The following SORBS2 variants were observed in gnomAD, a reference collection of about 807,000 sequenced individuals.
SORBS2 encodes sorbin and SH3 domain-containing protein 2.
In SORBS2, 46 loss-of-function variants were observed where a neutral mutation model predicts 97.7. That is an observed-to-expected ratio of 0.47 (90% CI 0.37 to 0.60). The LOEUF is 0.60. Among genes scored for constraint, SORBS2 ranks in the 20% least tolerant of loss-of-function variants. SORBS2 has a pLI of 0.00. For missense variants in SORBS2, 1,316 were observed against 1,282.3 expected (o/e 1.03, Z -0.40); for synonymous variants, 476 against 473.4 (o/e 1.01, Z -0.07).
intron 1 of SORBS2, among the ~76,000 whole-genome samples, chr4:185,820,484 G>C (rs909662066): frequency 2.0e-5 from 3 of 152,212 alleles, no homozygotes; most frequent in African/African-American, 7.2e-5. Flanking sequence ...ATGCCAAGGG[G>C]CTGCCAGGGC....
intron 2 of SORBS2, chr4:185,771,296 T>G (rs1242669165): frequency 1.3e-5 from 2 of 152,234 alleles, no homozygotes; most frequent in Non-Finnish European, 2.9e-5. Flanking sequence ...AAGCCTATCC[T>G]TCCCCTTTTT....
rs755600711 is a variant in SORBS2, at chr4:185,607,980, C to T, written c.2796+3800G>A. Among the ~76,000 whole-genome samples the T allele has an allele frequency of 6.0e-4, 92 of 152,112 alleles. 1 individual carries two copies. The highest frequency in any genetic ancestry group is 6.5e-4 in the Non-Finnish European group (44 of 68,030). ...TGCTGGGGTTACAGGTGTGAGCCACCGCGCCTGGCCCTTAAGAGATTTAAT... is the reference window on the plus strand; with the variant it reads ...TGCTGGGGTTACAGGTGTGAGCCACTGCGCCTGGCCCTTAAGAGATTTAAT... On this transcript the variant is annotated intron_variant, in intron 12 of 14. Coordinates refer to ENST00000418609, the Ensembl canonical transcript of SORBS2. This position sits in a 1 kb window ranked among gnomAD's most constrained non-coding sequence, Gnocchi z 5.2.
rs558849632 is a variant in SORBS2 at position 185,890,412 on chromosome 4, A to C, written c.-338+65784T>G. ...GATGTTATCTCCTCTTATCCTGACA[A>C]GAAGACTGTGTGGCAGGCTCAGTAC... On this transcript the variant is annotated intron_variant, in intron 1 of 20. Coordinates refer to the SORBS2 transcript ENST00000284776. Among the ~76,000 whole-genome samples the C allele has an allele frequency of 6.6e-5, 10 of 152,282 alleles. No homozygotes were observed. The South Asian group carries it at 1.9e-3, about 28-fold the overall frequency.
chr4:185,618,522 C>T (rs1266333503), intron 9 of SORBS2, 63 bp downstream of exon 21: 2 of 909,800 alleles, frequency 2.2e-6, no homozygotes, highest in Non-Finnish European at 3.3e-6. Context: ...ATGCTTATCT[C>T]TTAAAGCATT....
intron 3 of SORBS2, among the ~76,000 whole-genome samples, chr4:185,647,863 T>C (rs2097239579): frequency 1.3e-5 from 2 of 152,252 alleles, no homozygotes; most frequent in African/African-American, 2.4e-5. Flanking sequence ...TAGGAGGTTA[T>C]CATATGTTTT....
At chr4:185,798,430 C>T (rs12505954) in intron 1 of SORBS2, among the ~76,000 whole-genome samples, 54,479 of 151,820 alleles carry the variant, frequency 0.36, 10,800 homozygotes, top group East Asian at 0.8. Flanking sequence ...CCTGTATTAC[C>T]GTTTTAAACA....
intron 4 of SORBS2, among the ~76,000 whole-genome samples, chr4:185,664,012 G>A (rs1434129294): frequency 2.6e-5 from 4 of 151,580 alleles, no homozygotes; most frequent in South Asian, 2.1e-4. Context: ...CCACCACCAC[G>A]CCCGGCTAAT....
intron 1 of SORBS2, among the ~76,000 whole-genome samples, chr4:185,913,705 T>TCCCC (rs1388241425): frequency 3.3e-5 from 5 of 152,154 alleles, no homozygotes; most frequent in Non-Finnish European, 5.9e-5. Context: ...AATGTCTCTC[T>TCCCC]TTGAGATTTT....
At chr4:185,624,531 T>C (rs765043174) in intron 6 of SORBS2, 37 bp from the exon 19 acceptor site, 7 of 1,551,298 alleles carry the variant, frequency 4.5e-6, no homozygotes, top group African/African-American at 2.7e-5. Flanking sequence ...AGAGAGACAT[T>C]TGGAGAAGTT....
chr4:185,746,699 C>G (rs1304660755), intron 2 of SORBS2, among the ~76,000 whole-genome samples: 1 of 152,170 alleles, frequency 6.6e-6, no homozygotes, highest in African/African-American at 2.4e-5. Flanking sequence ...AGAAATGCAT[C>G]CTGTGGTTGA....
At chr4:185,775,405 G>C (rs75063061) in intron 1 of SORBS2, 39 bp from the exon 2 acceptor site, 4,988 of 152,582 alleles carry the variant, frequency 0.033, 156 homozygotes, top group Non-Finnish European at 0.042. Flanking sequence ...AATGAGAGAG[G>C]GAAAGAATCC....
intron 1 of SORBS2, among the ~76,000 whole-genome samples, chr4:185,870,574 G>T (rs540325417): frequency 2.8e-4 from 43 of 152,372 alleles, no homozygotes; most frequent in African/African-American, 9.4e-4. Context: ...CCCAGCTCGT[G>T]TCTGAGGTTG....
chr4:185,596,071 ATAT>A (rs1476485861), intron 12 of SORBS2, among the ~76,000 whole-genome samples: 1 of 152,208 alleles, frequency 6.6e-6, no homozygotes, highest in Admixed American at 6.5e-5. Context: ...GAATAAGAAA[ATAT>A]TATTTATTCT....
rs1170280912 is a variant in SORBS2 at position 185,920,351 on chromosome 4, T to C, written c.-338+35845A>G. On this transcript the variant is annotated intron_variant, in intron 1 of 20. Transcript: ENST00000284776. Reference sequence around the variant, plus strand: ...TGTCTCTGTCCCAAGGTTTGTGTACTTGCATTTGCGGCAAGTCCAGTCATA... The same window carrying C: ...TGTCTCTGTCCCAAGGTTTGTGTACCTGCATTTGCGGCAAGTCCAGTCATA... Among the ~76,000 whole-genome samples, 3 of 152,200 alleles carry C rather than the reference T, an allele frequency of 2.0e-5. No homozygotes were observed. In the East Asian group the frequency reaches 5.8e-4, roughly 29 times the overall value.
chr4:185,932,000 CTCTA>C (rs908069242), intron 1 of SORBS2, among the ~76,000 whole-genome samples: 2 of 150,282 alleles, frequency 1.3e-5, no homozygotes, highest in African/African-American at 4.9e-5. Flanking sequence ...CTCTCTCTCT[CTCTA>C]TATATATATA....
chr4:185,849,674 C>G (rs1016252440), intron 1 of SORBS2, among the ~76,000 whole-genome samples: 1 of 152,182 alleles, frequency 6.6e-6, no homozygotes, highest in African/African-American at 2.4e-5. Flanking sequence ...AGGCCACACT[C>G]TCACAGGGGC....
chr4:185,867,662 C>T (rs1357657783), intron 1 of SORBS2, among the ~76,000 whole-genome samples: 1 of 152,188 alleles, frequency 6.6e-6, no homozygotes, highest in Non-Finnish European at 1.5e-5. Flanking sequence ...TTGCTTGCTT[C>T]CTTGAGCTCT....
At chr4:185,683,028 AAGAAAAG>A (rs2097896128) in intron 2 of SORBS2, among the ~76,000 whole-genome samples, 1 of 129,158 alleles carries the variant, frequency 7.7e-6, no homozygotes, top group African/African-American at 2.7e-5. Context: ...AAAAAAAAAA[AAGAAAAG>A]AAAAGAAAAA....
At chr4:185,879,640 T>G (rs1484557961) in intron 1 of SORBS2, among the ~76,000 whole-genome samples, 7 of 152,168 alleles carry the variant, frequency 4.6e-5, no homozygotes, top group Admixed American at 2.6e-4. Flanking sequence ...CCACCAACAG[T>G]GTAAAAGTGT....
Sources: allele counts gnomAD v4.1 joint callset (sites outside exome capture counted in the v4.1 genomes callset), GRCh38; gene constraint gnomAD v4.1.1; non-coding constraint Gnocchi (gnomAD v3.1); transcripts MANE v1.5; gene names NCBI Gene and HGNC (gene_info 2026-07-23, HGNC 2026-07-21).